NOXA1: variants seen among roughly 807,000 people sequenced by gnomAD.
NOXA1 encodes the protein NADPH oxidase activator 1, also known as NCF2-like protein.
A neutral mutation model predicts 64.8 loss-of-function variants in NOXA1; 56 were observed. That is an observed-to-expected ratio of 0.86 (90% confidence interval 0.70 to 1.08). NOXA1 has a LOEUF of 1.08. NOXA1 is among the 50% of genes least tolerant of loss of function. The pLI is 0.00. For synonymous variants in NOXA1, 295 were observed against 294.8 expected (o/e 1.00, Z -0.01); for missense variants, 668 against 658.5 (o/e 1.01, Z -0.16).
chr9:137,425,683 G>A (rs1022756636), intron 1 of NOXA1, among the ~76,000 whole-genome samples: 2 of 152,124 alleles, frequency 1.3e-5, no homozygotes, highest in Non-Finnish European at 2.9e-5. Flanking sequence ...AACATGCCCG[G>A]CCTGTAATGC....
At chr9:137,424,299 G>T (rs545148583) in intron 1 of NOXA1, among the ~76,000 whole-genome samples, 1 of 152,358 alleles carries the variant, frequency 6.6e-6, no homozygotes, top group South Asian at 2.1e-4. Context: ...AGAGGGAACT[G>T]CGCGCTGTGG....
chr9:137,429,519 C>T (rs1296021369), intron 5 of NOXA1, 136 bp downstream of exon 5: 1 of 638,898 alleles, frequency 1.6e-6, no homozygotes, highest in Non-Finnish European at 2.7e-6. Flanking sequence ...CAGCCATCCT[C>T]AAACTGGCGC....
chr9:137,432,444 G>C (rs1360367814), intron 8 of NOXA1, among the ~76,000 whole-genome samples: 4 of 152,150 alleles, frequency 2.6e-5, no homozygotes, highest in Admixed American at 2.0e-4. Flanking sequence ...GCTGGGCATG[G>C]CGGCGGGCAC....
At position 137,431,085 on chromosome 9, in the gene NOXA1, C is replaced by T. The variant is rs374385990; in HGVS notation, c.683C>T (p.Ala228Val). ...VRPQQPQGPG[A>V]NHDARSLIMD... Reference sequence around the variant, plus strand: ...GCTTTGTGTCCACAGGGACCAGGAGCGAACCATGATGCCAGGTAGGAGGGG... The same window carrying T: ...GCTTTGTGTCCACAGGGACCAGGAGTGAACCATGATGCCAGGTAGGAGGGG... Residue 228 changes from alanine (A) to valine (V), a missense_variant, in exon 7 of 14, where the codon GCG (alanine) becomes GTG (valine). Coordinates refer to ENST00000683555, the MANE Select transcript of NOXA1 (RefSeq NM_001256067.2). This position sits in a 1 kb window ranked among gnomAD's most constrained non-coding sequence, Gnocchi z 5.6. 25 of 1,613,090 alleles carry T rather than the reference C, an allele frequency of 1.5e-5. No homozygotes were observed. The highest frequency in any genetic ancestry group is 1.1e-4 in the African/African-American group (8 of 74,920).
rs1839115795 is a variant in NOXA1, at chr9:137,431,692, G to A, written c.804+351G>A. 6.6e-6 allele frequency among the ~76,000 whole-genome samples: 1 copy of A among 152,150 alleles called. No homozygotes were observed. Among genetic ancestry groups the A allele is most frequent in the African/African-American group, 2.4e-5 (1 of 41,432 alleles). On this transcript the variant is annotated intron_variant, in intron 8 of 13. Coordinates refer to ENST00000683555, the MANE Select transcript of NOXA1 (RefSeq NM_001256067.2). The surrounding 1 kb of genome is among the most constrained non-coding windows in gnomAD (Gnocchi z 5.6). ...GAGTGACCCAGCTGGGGACAGGCGG[G>A]AGGCAGGACAGCTCTGGAGGGGCCC...
At position 137,423,538 on chromosome 9, in the gene NOXA1, T is replaced by G; in HGVS notation, c.9T>G (p.Ser3=). 1 of 1,421,662 alleles carries G rather than the reference T, an allele frequency of 7.0e-7. No individual in the cohort carries two copies. Among genetic ancestry groups the G allele is most frequent in the East Asian group, 2.9e-5 (1 of 33,982 alleles). 88.1% of individuals were successfully genotyped at this position (1,421,662 alleles called of 1,614,324 possible). A position where few individuals can be genotyped will look rare whatever the true frequency, so the allele number is the denominator to read the frequency against. Residue 3 remains serine (S), a synonymous_variant, in exon 1 of 14, where the codon TCT becomes TCG. Transcript: ENST00000683555. MA[S]LGDLVRAWHL... Reference sequence around the variant, plus strand: ...CGCCGCCACCGGCCGCCATGGCCTCTCTGGGGGACCTGGTGCGCGCCTGGC... The same window carrying G: ...CGCCGCCACCGGCCGCCATGGCCTCGCTGGGGGACCTGGTGCGCGCCTGGC...
At chr9:137,430,420 C>A (rs1029463732) in intron 5 of NOXA1, among the ~76,000 whole-genome samples, 8 of 152,366 alleles carry the variant, frequency 5.3e-5, no homozygotes, top group African/African-American at 1.9e-4. Flanking sequence ...GTCACCTGCG[C>A]TGCGCCACGG....
In NOXA1 at chr9:137,429,339, C is replaced by G; in HGVS notation, c.568C>G (p.His190Asp). 1 of 1,584,910 alleles carries G rather than the reference C, an allele frequency of 6.3e-7. No individual in the cohort carries two copies. The highest frequency in any genetic ancestry group is 1.2e-5 in the South Asian group (1 of 86,528). Residue 190 changes from histidine to aspartate, a missense_variant, in exon 5 of 14, where the codon CAC becomes GAC. Coordinates refer to ENST00000683555, the MANE Select transcript of NOXA1 (RefSeq NM_001256067.2). ...CGAGGTCTTCCGGCCCCACCGGTGG[C>G]ACCTGAAGCACTTGGAGCCCGTGGA... The part of the protein sequence containing the change: ...RGEVFRPHRW[H>D]LKHLEPVDFL...
intron 1 of NOXA1, among the ~76,000 whole-genome samples, chr9:137,424,027 G>C (rs1156805184): frequency 6.6e-6 from 1 of 152,170 alleles, no homozygotes. Flanking sequence ...CCGGGAGACC[G>C]GGTCAGTCTC....
chr9:137,430,825 C>CCGCCGGA lies in NOXA1; in HGVS notation c.658_659insGGACGCC (p.Pro220ArgfsTer14). Reference sequence around the variant, plus strand: ...TCCCCGACGACCAGGGCTGGGGCGTCCGCCCTCAGCAGCCACAGGTGGGTT... The same window carrying CCGCCGGA: ...TCCCCGACGACCAGGGCTGGGGCGTCCGCCGGACGCCCTCAGCAGCCACAGGTGGGTT... On this transcript the variant is annotated frameshift_variant, in exon 6 of 14. Transcript: ENST00000683555. LOFTEE classifies it high-confidence loss of function. The CCGCCGGA allele has an allele frequency of 6.3e-7, 1 of 1,589,336 alleles. No homozygotes were observed. Among genetic ancestry groups the CCGCCGGA allele is most frequent in the Non-Finnish European group, 8.5e-7 (1 of 1,171,640 alleles).
chr9:137,424,083 C>T (rs917530978), intron 1 of NOXA1, among the ~76,000 whole-genome samples: 2 of 152,198 alleles, frequency 1.3e-5, no homozygotes, highest in South Asian at 2.1e-4. Context: ...CCCGAAACAG[C>T]CAGGAGTCCA....
chr9:137,423,777 C>A, intron 1 of NOXA1, 71 bp downstream of exon 1: 2 of 1,156,322 alleles, frequency 1.7e-6, no homozygotes, highest in South Asian at 4.1e-5. Context: ...GCCCAGCGCC[C>A]CTCCCCGACC....
At position 137,433,772 on chromosome 9, in the gene NOXA1, G is replaced by C; in HGVS notation, c.1087G>C (p.Gly363Arg). The change falls in exon 12 of 14, where the codon GGG becomes CGG. Residue 363 changes from glycine (G) to arginine (R), a missense_variant. Coordinates refer to ENST00000683555, the MANE Select transcript of NOXA1 (RefSeq NM_001256067.2). The stretch of plus-strand genomic sequence containing the variant: ...CAGTTACCTAGCCCCAGGTGAGGAC[G>C]GGCACTGGGTCCCCATCCCCGAGGA... ...QLSYLAPGED[G>R]HWVPIPEEES... 1.4e-6 allele frequency: 2 copies of C among 1,456,546 alleles called. No individual in the cohort carries two copies. The highest frequency in any genetic ancestry group is 1.8e-6 in the Non-Finnish European group (2 of 1,100,464). 90.2% of individuals were successfully genotyped at this position (1,456,546 alleles called of 1,614,324 possible).
chr9:137,428,665 G>A (rs908267392), intron 3 of NOXA1, among the ~76,000 whole-genome samples: 4 of 149,676 alleles, frequency 2.7e-5, no homozygotes, highest in Non-Finnish European at 5.9e-5. Flanking sequence ...GGAGGGGCCG[G>A]GTGGGGGGAT....
Position 137,431,401 on chromosome 9 carries a change from CTG to C in NOXA1, c.804+61_804+62del, listed in dbSNP as rs1282972061. ...TCGGTGCTTCTGCTGCCTCCGCAGA[CTG>C]GGGACCACAATGGGACCAACATGAG... On this transcript the variant is annotated intron_variant, in intron 8 of 13. Coordinates refer to ENST00000683555, the MANE Select transcript of NOXA1 (RefSeq NM_001256067.2). The surrounding 1 kb of genome is among the most constrained non-coding windows in gnomAD (Gnocchi z 5.6). 7.0e-5 allele frequency: 95 copies of C among 1,357,476 alleles called. 2 individuals carry two copies. In the South Asian group the frequency reaches 1.1e-3, roughly 15 times the overall value. The allele number at this position is 1,357,476 out of a possible 1,614,324, so 84.1% of individuals were successfully genotyped here.
intron 1 of NOXA1, among the ~76,000 whole-genome samples, chr9:137,425,866 C>T (rs1459277319): frequency 6.7e-6 from 1 of 149,002 alleles, no homozygotes; most frequent in African/African-American, 2.5e-5. Context: ...AGCGAGACCC[C>T]GTCTCAAAAA....
At position 137,423,688 on chromosome 9, in the gene NOXA1, CCCCGAGG is replaced by C. The variant is rs999400271; in HGVS notation, c.162_168del (p.Glu55ArgfsTer9). 3.0e-6 allele frequency: 4 copies of C among 1,335,848 alleles called. No homozygotes were observed. Among genetic ancestry groups the C allele is most frequent in the Non-Finnish European group, 3.8e-6 (4 of 1,044,134 alleles). The allele number at this position is 1,335,848 out of a possible 1,614,324, so 82.7% of individuals were successfully genotyped here. A position where few individuals can be genotyped will look rare whatever the true frequency, so the allele number is the denominator to read the frequency against. On this transcript the variant is annotated frameshift_variant, in exon 1 of 14. Transcript: ENST00000683555. LOFTEE classifies it high-confidence loss of function. Reference sequence around the variant, plus strand: ...GCTGCGTGCACCTGCTGGCCGGGGACCCCGAGGCCGCGCTGCGGGTGAGCGGGGCGTG... The same window carrying C: ...GCTGCGTGCACCTGCTGGCCGGGGACCCGCGCTGCGGGTGAGCGGGGCGTG...
chr9:137,423,488 C>A lies in NOXA1; in HGVS notation c.-42C>A, dbSNP rs986628393. On this transcript the variant is annotated 5_prime_UTR_variant, in exon 1 of 14. Transcript: ENST00000683555. ...CGCCTGGCCCCGGCCCCGGCCCCTCCGCGGGATCCTGGCCCCTCCTCGAGC... is the reference window on the plus strand; with the variant it reads ...CGCCTGGCCCCGGCCCCGGCCCCTCAGCGGGATCCTGGCCCCTCCTCGAGC... 3.3e-6 allele frequency: 4 copies of A among 1,223,138 alleles called. No individual in the cohort carries two copies. The African/African-American group carries it at 4.8e-5, about 15-fold the overall frequency. The allele number at this position is 1,223,138 out of a possible 1,614,324, so 75.8% of individuals were successfully genotyped here.
intron 5 of NOXA1, 96 bp from the exon 6 acceptor site, chr9:137,430,688 G>A (rs1839071970): frequency 1.9e-6 from 2 of 1,066,632 alleles, no homozygotes; most frequent in Non-Finnish European, 2.6e-6. Flanking sequence ...CAGCCCCCGG[G>A]GACTTAGAGC....
Sources: gnomAD v4.1 joint callset for allele counts (sites outside exome capture counted in the v4.1 genomes callset) on GRCh38, gnomAD v4.1.1 for gene constraint, Gnocchi (gnomAD v3.1) non-coding constraint, MANE v1.5 for transcripts, NCBI Gene and HGNC (gene_info 2026-07-23, HGNC 2026-07-21) for gene names.